Variants in TULP4 observed in about 807,000 individuals in gnomAD.
The protein encoded by TULP4 is TUB like protein 4, also known as tubby-related protein 4.
In TULP4, 16 loss-of-function variants were observed where a neutral mutation model predicts 129.0. That is an observed-to-expected ratio of 0.12 (90% CI 0.08 to 0.19). The LOEUF is 0.19. Ranked by LOEUF, TULP4 falls within the 10% of genes least tolerant of loss-of-function variation. The pLI, the probability that TULP4 is intolerant of heterozygous loss-of-function variation, is 1.00. For synonymous variants in TULP4, 998 were observed against 854.0 expected (o/e 1.17, Z -2.94); for missense variants, 1,842 against 2,059.1 (o/e 0.89, Z 2.04).
intron 2 of TULP4, among the ~76,000 whole-genome samples, chr6:158,420,654 G>T (rs1013624099): frequency 4.7e-5 from 7 of 150,298 alleles, no homozygotes; most frequent in African/African-American, 1.5e-4. Context: ...GCTAATTTTT[G>T]TTTTTTTTTA....
At chr6:158,479,399 C>T (rs2128249846) in intron 6 of TULP4, among the ~76,000 whole-genome samples, 1 of 152,290 alleles carries the variant, frequency 6.6e-6, no homozygotes, top group Non-Finnish European at 1.5e-5. Context: ...TGCTTTAATG[C>T]TCTGGCCTGG....
At position 158,268,214 on chromosome 6, in the gene TULP4, T is replaced by C. The variant is rs571768190; in HGVS notation, n.68+35911T>C. On this transcript the variant is annotated intron_variant and non_coding_transcript_variant, in intron 1 of 1. Transcript: ENST00000620026. Reference sequence around the variant, plus strand: ...CCACACTTGGCTAATTTTTTTTGTATTTTTAGTGGAGACGGAGTTTCTCCA... The same window carrying C: ...CCACACTTGGCTAATTTTTTTTGTACTTTTAGTGGAGACGGAGTTTCTCCA... Among the ~76,000 whole-genome samples, 216 of 151,968 alleles carry C rather than the reference T, an allele frequency of 1.4e-3. 1 individual carries two copies. Among genetic ancestry groups the C allele is most frequent in the African/African-American group, 4.6e-3 (191 of 41,448 alleles).
At chr6:158,335,659 TTTC>T (rs1780015304) in intron 1 of TULP4, among the ~76,000 whole-genome samples, 1 of 152,230 alleles carries the variant, frequency 6.6e-6, no homozygotes, top group African/African-American at 2.4e-5. Flanking sequence ...ATATTTATGT[TTTC>T]TTATTTTCTT....
intron 1 of TULP4, among the ~76,000 whole-genome samples, chr6:158,243,548 A>G (rs1056221826): frequency 1.3e-5 from 2 of 151,202 alleles, no homozygotes; most frequent in African/African-American, 2.4e-5. Flanking sequence ...TAGGTTCTCT[A>G]TCTTTTTTTT....
chr6:158,284,675 C>T (rs1234591324), intron 1 of TULP4, among the ~76,000 whole-genome samples: 1 of 152,178 alleles, frequency 6.6e-6, no homozygotes, highest in Non-Finnish European at 1.5e-5. Flanking sequence ...AGCTGCTGAC[C>T]AGAGGCTTTG....
At chr6:158,296,958 C>G (rs1295663298) in intron 1 of TULP4, among the ~76,000 whole-genome samples, 1 of 152,182 alleles carries the variant, frequency 6.6e-6, no homozygotes, top group Non-Finnish European at 1.5e-5. Flanking sequence ...CACGTATTAT[C>G]TTGATAAACA....
rs1282586279 is a variant in TULP4 at position 158,479,975 on chromosome 6, G to A, written c.1251G>A (p.Lys417=). The A allele has an allele frequency of 2.5e-6, 4 of 1,598,368 alleles. No homozygotes were observed. The South Asian group carries it at 4.4e-5, about 18-fold the overall frequency. Reference sequence around the variant, plus strand: ...CCACTGCCTTCATCCCCACCATCAAGGTAAAGCCCTCCACCCCTCCCTCTT... The same window carrying A: ...CCACTGCCTTCATCCCCACCATCAAAGTAAAGCCCTCCACCCCTCCCTCTT... ...YLSTAFIPTI[K]PPIPDPNNMR... Residue 417 remains lysine (K), a splice_region_variant and synonymous_variant, in exon 7 of 14, where the codon AAG becomes AAA. Transcript: ENST00000367097.
At chr6:158,383,005 G>T (rs1184402853) in intron 1 of TULP4, among the ~76,000 whole-genome samples, 1 of 152,200 alleles carries the variant, frequency 6.6e-6, no homozygotes, top group Non-Finnish European at 1.5e-5. Flanking sequence ...GAGAACTCAG[G>T]TTCAAGGATC....
At chr6:158,290,088 C>T (rs1778906232) in intron 1 of TULP4, among the ~76,000 whole-genome samples, 1 of 151,780 alleles carries the variant, frequency 6.6e-6, no homozygotes, top group African/African-American at 2.4e-5. Flanking sequence ...AGGCGCATGC[C>T]ACCATGCTGG....
At chr6:158,429,046 C>T (rs956734348) in intron 2 of TULP4, among the ~76,000 whole-genome samples, 1 of 151,978 alleles carries the variant, frequency 6.6e-6, no homozygotes, top group African/African-American at 2.4e-5. Flanking sequence ...ACAGAGGCAC[C>T]ATGATCGCTC....
chr6:158,424,980 C>A (rs908380417), intron 2 of TULP4, among the ~76,000 whole-genome samples: 1 of 151,072 alleles, frequency 6.6e-6, no homozygotes, highest in Non-Finnish European at 1.5e-5. Flanking sequence ...GGTGAAACCC[C>A]GTCTCTACTA....
chr6:158,469,462 C>T (rs1779625251), intron 6 of TULP4, among the ~76,000 whole-genome samples: 2 of 151,896 alleles, frequency 1.3e-5, no homozygotes, highest in South Asian at 4.2e-4. Context: ...TTGGTAGAGA[C>T]AGCGTCTCAC....
At chr6:158,333,366 G>C (rs1479233904) in intron 1 of TULP4, among the ~76,000 whole-genome samples, 1 of 152,168 alleles carries the variant, frequency 6.6e-6, no homozygotes, top group African/African-American at 2.4e-5. Flanking sequence ...ACAGTGAGAT[G>C]GTGGCCACCT....
In TULP4 at chr6:158,429,933, A is replaced by G. The variant is rs181226073; in HGVS notation, c.543+36A>G. 73 of 1,601,470 alleles carry G rather than the reference A, an allele frequency of 4.6e-5. No individual in the cohort carries two copies. In the African/African-American group the frequency reaches 7.6e-4, roughly 17 times the overall value. ...TGAAATGTGGTGGGTGTGTGACGTT[A>G]AAACCATGAGGGCTGGGAGGGAAGA... is the stretch of plus-strand genomic sequence containing the variant. On this transcript the variant is annotated intron_variant, in intron 3 of 13. Coordinates refer to ENST00000367097, the MANE Select transcript of TULP4 (RefSeq NM_020245.5).
At chr6:158,234,663 G>C (rs972506857) in intron 1 of TULP4, among the ~76,000 whole-genome samples, 3 of 152,108 alleles carry the variant, frequency 2.0e-5, no homozygotes, top group African/African-American at 7.2e-5. Flanking sequence ...TTTAGTTACT[G>C]CATGGGTTTC....
At chr6:158,343,593 ACCTGCAGT>A (rs2114761815) in intron 1 of TULP4, among the ~76,000 whole-genome samples, 2 of 152,190 alleles carry the variant, frequency 1.3e-5, no homozygotes, top group South Asian at 4.2e-4. Context: ...GAAGGTGGCC[ACCTGCAGT>A]CCAGAAAAGA....
chr6:158,289,605 G>A (rs1051209956), intron 1 of TULP4, among the ~76,000 whole-genome samples: 8 of 152,068 alleles, frequency 5.3e-5, no homozygotes, highest in Non-Finnish European at 1.2e-4. Flanking sequence ...TTTTGAGACA[G>A]CGTCTCATTT....
At chr6:158,486,457 G>A (rs1780070366) in intron 8 of TULP4, among the ~76,000 whole-genome samples, 1 of 152,126 alleles carries the variant, frequency 6.6e-6, no homozygotes, top group Admixed American at 6.5e-5. Flanking sequence ...GGAGGCTGAG[G>A]CAGGAGAATG....
At chr6:158,423,618 TA>T (rs1778404904) in intron 2 of TULP4, among the ~76,000 whole-genome samples, 1 of 131,522 alleles carries the variant, frequency 7.6e-6, no homozygotes, top group Non-Finnish European at 1.6e-5. Context: ...TGTTTGTTGT[TA>T]TTTGTTTTTG....
Sources: gnomAD v4.1 joint callset for allele counts (sites outside exome capture counted in the v4.1 genomes callset) on GRCh38, gnomAD v4.1.1 for gene constraint, MANE v1.5 for transcripts, NCBI Gene and HGNC (gene_info 2026-07-23, HGNC 2026-07-21) for gene names.